Variants in HERC5 observed in about 807,000 individuals in gnomAD.
HERC5 encodes HECT and RLD domain containing E3 ubiquitin protein ligase 5, also known as E3 ISG15--protein ligase HERC5.
Under a neutral mutation model 119.6 loss-of-function variants are expected in HERC5, and 99 were observed. The ratio of observed to expected loss-of-function variants is 0.83; its 90% CI spans 0.70 to 0.98. The LOEUF (loss-of-function observed/expected upper bound fraction) is 0.98. HERC5 is among the 50% of genes least tolerant of loss of function. The pLI, the probability that HERC5 is intolerant of heterozygous loss-of-function variation, is 0.00. For synonymous variants in HERC5, 478 were observed against 445.9 expected, an observed-to-expected ratio of 1.07 and a Z score of -0.91; for missense variants, 1,267 against 1,241.3, an observed-to-expected ratio of 1.02 and a Z score of -0.31.
At position 88,468,337 on chromosome 4, in the gene HERC5, T is replaced by C. The variant is rs1740746064; in HGVS notation, c.1058-9T>C. On this transcript the variant is annotated splice_polypyrimidine_tract_variant and intron_variant, in intron 7 of 22. Coordinates refer to ENST00000264350, the MANE Select transcript of HERC5 (RefSeq NM_016323.4). The stretch of plus-strand genomic sequence containing the variant: ...TTCTAAAACTCTTACTCTTTGTGCA[T>C]CCTTTCAGAAAGCCATACCTCAGAA... 6.3e-7 allele frequency: 1 copy of C among 1,597,618 alleles called. No individual in the cohort carries two copies. Among genetic ancestry groups the C allele is most frequent in the African/African-American group, 1.3e-5 (1 of 74,326 alleles).
chr4:88,479,530 CTG>C lies in HERC5; in HGVS notation c.1737+27_1737+28del, dbSNP rs765999459. On this transcript the variant is annotated intron_variant, in intron 13 of 22. Coordinates refer to ENST00000264350, the MANE Select transcript of HERC5 (RefSeq NM_016323.4). ...AGGGTAAGAGTTCCTTTAGAAACCT[CTG>C]TGTTTTTATCTAGCTGTAAAAATTC... is the stretch of plus-strand genomic sequence containing the variant. The C allele has an allele frequency of 5.9e-6, 9 of 1,523,852 alleles. No homozygotes were observed. In the Admixed American group the frequency reaches 9.0e-5, roughly 15 times the overall value. 94.4% of individuals were successfully genotyped at this position (1,523,852 alleles called of 1,614,324 possible).
At position 88,486,169 on chromosome 4, in the gene HERC5, T is replaced by C. The variant is rs1560609394; in HGVS notation, c.1792T>C (p.Leu598=). 2 of 1,612,888 alleles carry C rather than the reference T, an allele frequency of 1.2e-6. No individual in the cohort carries two copies. The highest frequency in any genetic ancestry group is 1.1e-5 in the South Asian group (1 of 90,928). Residue 598 remains leucine (L), a synonymous_variant, in exon 14 of 23, where the codon TTG becomes CTG. Transcript: ENST00000264350. ...AAGTATTTTCCAAGTAGACGAACTC[T>C]TGCACCGTCTCAATTTTTTTGTAGA... ...PESIFQVDEL[L]HRLNFFVEVC...
Position 88,463,978 on chromosome 4 carries a change from T to A in HERC5, c.904T>A (p.Cys302Ser), listed in dbSNP as rs1484371625. 4 of 1,612,750 alleles carry A rather than the reference T, an allele frequency of 2.5e-6. No homozygotes were observed. Among genetic ancestry groups the A allele is most frequent in the Non-Finnish European group, 3.4e-6 (4 of 1,179,478 alleles). Residue 302 changes from cysteine to serine, a missense_variant, in exon 6 of 23, where the codon TGT (cysteine) becomes AGT (serine). This residue lies in a region of HERC5 where 777 missense variants were observed against 758.0 expected (regional missense o/e 1.03). Transcript: ENST00000264350. Reference protein sequence around the residue: ...LVGYRVTQIACGRWHTLAYVS... With the variant: ...LVGYRVTQIASGRWHTLAYVS... The stretch of plus-strand genomic sequence containing the variant: ...TGGGTATAGAGTGACTCAGATAGCA[T>A]GTGGAAGGTAAGTTGTAAAGTATCA...
intron 20 of HERC5, 80 bp from the exon 21 acceptor site, chr4:88,504,152 T>C: frequency 1.2e-6 from 1 of 854,004 alleles, no homozygotes; most frequent in Non-Finnish European, 1.9e-6. Flanking sequence ...CTGTTAGGTA[T>C]TCTAGCTTTT....
chr4:88,503,103 C>T (rs1741993847), intron 20 of HERC5, among the ~76,000 whole-genome samples: 1 of 152,004 alleles, frequency 6.6e-6, no homozygotes, highest in Non-Finnish European at 1.5e-5. Flanking sequence ...TGAATATATT[C>T]CCCTGTATTT....
At chr4:88,505,536 A>G (rs1394253410) in intron 22 of HERC5, 137 bp from the exon 23 acceptor site, 5 of 612,354 alleles carry the variant, frequency 8.2e-6, no homozygotes, top group Admixed American at 3.0e-5. Flanking sequence ...TTCGAATACA[A>G]TCCCCAATGC....
At chr4:88,502,053 C>T (rs1741963594) in intron 20 of HERC5, among the ~76,000 whole-genome samples, 1 of 152,212 alleles carries the variant, frequency 6.6e-6, no homozygotes, top group African/African-American at 2.4e-5. Context: ...CCACCTTGGC[C>T]TCCCAAAGTG....
At chr4:88,494,967 T>G (rs1741756774) in intron 18 of HERC5, among the ~76,000 whole-genome samples, 1 of 152,224 alleles carries the variant, frequency 6.6e-6, no homozygotes, top group Non-Finnish European at 1.5e-5. Flanking sequence ...AAACTTTCAT[T>G]TTAATTTCAG....
intron 9 of HERC5, among the ~76,000 whole-genome samples, chr4:88,469,696 T>G (rs1740799811): frequency 6.6e-6 from 1 of 152,254 alleles, no homozygotes; most frequent in African/African-American, 2.4e-5. Flanking sequence ...ATTCACTTGT[T>G]CAAGTGCTTT....
Position 88,486,162 on chromosome 4 carries a change from C to G in HERC5, c.1785C>G (p.Asp595Glu). The G allele has an allele frequency of 6.2e-7, 1 of 1,611,288 alleles. No individual in the cohort carries two copies. The highest frequency in any genetic ancestry group is 8.5e-7 in the Non-Finnish European group (1 of 1,178,380). Residue 595 changes from aspartate (D) to glutamate (E), a missense_variant, in exon 14 of 23, where the codon GAC becomes GAG. Coordinates refer to ENST00000264350, the MANE Select transcript of HERC5 (RefSeq NM_016323.4). ...CQLPESIFQV[D>E]ELLHRLNFFV... Reference sequence around the variant, plus strand: ...TACCTGAAAGTATTTTCCAAGTAGACGAACTCTTGCACCGTCTCAATTTTT... The same window carrying G: ...TACCTGAAAGTATTTTCCAAGTAGAGGAACTCTTGCACCGTCTCAATTTTT...
At chr4:88,473,186 T>C (rs560485627) in intron 11 of HERC5, 1 of 152,202 alleles carries the variant, frequency 6.6e-6, no homozygotes, top group South Asian at 2.1e-4. Flanking sequence ...ATGTAGTTTT[T>C]ATTATTTCCC....
At chr4:88,463,702 A>G in intron 5 of HERC5, 79 bp downstream of exon 5, 1 of 1,422,506 alleles carries the variant, frequency 7.0e-7, no homozygotes, top group Admixed American at 1.8e-5. Flanking sequence ...CCCAGAGAAG[A>G]AAGGTCATCA....
intron 12 of HERC5, among the ~76,000 whole-genome samples, chr4:88,477,834 G>A (rs1168833283): frequency 6.6e-6 from 1 of 152,194 alleles, no homozygotes; most frequent in African/African-American, 2.4e-5. Flanking sequence ...AACATGATAA[G>A]TGATGAAAAG....
chr4:88,457,383 C>T lies in HERC5; in HGVS notation c.114C>T (p.Ser38=), dbSNP rs774484061. The change falls in exon 1 of 23, where the codon AGC becomes AGT. Residue 38 remains serine, a synonymous_variant. Coordinates refer to ENST00000264350, the MANE Select transcript of HERC5 (RefSeq NM_016323.4). The part of the protein sequence containing the change: ...SPGAQLWLFP[S]AAGLHRALLR... ...GCGCACAGCTCTGGCTCTTTCCCAG[C>T]GCCGCGGGCCTCCACCGCGCGCTGC... 3.5e-6 allele frequency: 5 copies of T among 1,410,204 alleles called. No homozygotes were observed. Among genetic ancestry groups the T allele is most frequent in the Non-Finnish European group, 4.6e-6 (5 of 1,082,728 alleles). The allele number at this position is 1,410,204 out of a possible 1,614,324, so 87.4% of individuals were successfully genotyped here.
At chr4:88,458,893 T>A (rs1179909002) in intron 1 of HERC5, among the ~76,000 whole-genome samples, 2 of 152,222 alleles carry the variant, frequency 1.3e-5, no homozygotes, top group Non-Finnish European at 2.9e-5. Flanking sequence ...CATTGGTTTC[T>A]ATTGGTAACT....
intron 1 of HERC5, chr4:88,457,762 T>C (rs1429296196): frequency 6.1e-6 from 4 of 652,458 alleles, no homozygotes; most frequent in Non-Finnish European, 8.7e-6. Context: ...GATCCTCCGC[T>C]CAGCAAAGTG....
Position 88,493,093 on chromosome 4 carries a change from C to T in HERC5, c.2215C>T (p.Gln739Ter), listed in dbSNP as rs1167108372. 1.2e-6 allele frequency: 2 copies of T among 1,614,020 alleles called. No homozygotes were observed. Among genetic ancestry groups the T allele is most frequent in the Non-Finnish European group, 1.7e-6 (2 of 1,179,960 alleles). ...FFYCLFAEMI[Q>*]PEYGMFMYPE... is the part of the protein sequence containing the mutation. Reference sequence around the variant, plus strand: ...CTACTGTCTGTTTGCAGAGATGATCCAGCCGGAATATGGGATGTTCATGTA... The same window carrying T: ...CTACTGTCTGTTTGCAGAGATGATCTAGCCGGAATATGGGATGTTCATGTA... Residue 739 changes from glutamine (Q) to a stop codon, truncating the protein, a stop_gained, in exon 17 of 23, where the codon CAG becomes TAG. Coordinates refer to ENST00000264350, the MANE Select transcript of HERC5 (RefSeq NM_016323.4). LOFTEE classifies it high-confidence loss of function.
intron 6 of HERC5, among the ~76,000 whole-genome samples, chr4:88,464,674 C>T (rs928877781): frequency 8.6e-5 from 13 of 151,948 alleles, no homozygotes; most frequent in South Asian, 6.2e-4. Flanking sequence ...CTGCAACCTC[C>T]GCCTCCCAGG....
chr4:88,458,586 TTTC>T (rs1175388412), intron 1 of HERC5, among the ~76,000 whole-genome samples: 2 of 152,172 alleles, frequency 1.3e-5, no homozygotes, highest in Non-Finnish European at 2.9e-5. Flanking sequence ...TGCTGGACCA[TTTC>T]TTATTACCAA....
Sources: allele counts gnomAD v4.1 joint callset (sites outside exome capture counted in the v4.1 genomes callset), GRCh38; gene constraint gnomAD v4.1.1; regional missense constraint gnomAD v4.1.1; transcripts MANE v1.5; gene names NCBI Gene and HGNC (gene_info 2026-07-23, HGNC 2026-07-21).